NEK11: variants seen among roughly 807,000 people sequenced by gnomAD.
The protein encoded by NEK11 is NIMA related kinase 11, also known as serine/threonine-protein kinase Nek11.
A neutral mutation model predicts 80.7 loss-of-function variants in NEK11; 72 were observed. The ratio of observed to expected loss-of-function variants is 0.89; its 90% CI spans 0.74 to 1.08. NEK11 has a LOEUF of 1.08. Ranked by LOEUF, NEK11 falls within the 50% of genes least tolerant of loss-of-function variation. The pLI is 0.00. For missense variants in NEK11, 764 were observed against 763.6 expected (o/e 1.00, Z -0.01); for synonymous variants, 251 against 260.7 (o/e 0.96, Z 0.36).
At chr3:131,328,929 C>T (rs921548345) in intron 17 of NEK11, 4 of 152,206 alleles carry the variant, frequency 2.6e-5, no homozygotes, top group Non-Finnish European at 5.9e-5. Context: ...TGGAGTCGTC[C>T]TCAGAGGACT....
chr3:131,151,903 C>T (rs920334202), intron 7 of NEK11, among the ~76,000 whole-genome samples: 4 of 152,004 alleles, frequency 2.6e-5, no homozygotes, highest in African/African-American at 9.7e-5. Flanking sequence ...GGATTATATT[C>T]AGAGAATAAT....
chr3:131,171,053 C>T, intron 14 of NEK11, 166 bp downstream of exon 14: 1 of 641,410 alleles, frequency 1.6e-6, no homozygotes, highest in Non-Finnish European at 2.8e-6. Flanking sequence ...AGTAGAGAAG[C>T]CAAGGATTTT....
At chr3:131,154,343 C>G (rs972838741) in intron 9 of NEK11, among the ~76,000 whole-genome samples, 1 of 151,986 alleles carries the variant, frequency 6.6e-6, no homozygotes, top group African/African-American at 2.4e-5. Context: ...GCAAGTGAGG[C>G]CCTTGACTCT....
intron 3 of NEK11, among the ~76,000 whole-genome samples, chr3:131,030,452 A>G (rs933467832): frequency 3.3e-5 from 5 of 152,252 alleles, no homozygotes; most frequent in African/African-American, 1.2e-4. Context: ...TCTCAGTGAC[A>G]ATATTACTTC....
chr3:131,332,876 G>A (rs1209424725), intron 17 of NEK11, among the ~76,000 whole-genome samples: 1 of 152,156 alleles, frequency 6.6e-6, no homozygotes, highest in Non-Finnish European at 1.5e-5. Context: ...AGTGATGGAA[G>A]ACTAAATGAA....
chr3:131,044,243 T>C, intron 3 of NEK11, among the ~76,000 whole-genome samples: 1 of 151,828 alleles, frequency 6.6e-6, no homozygotes, highest in East Asian at 1.9e-4. Flanking sequence ...AATTCACACA[T>C]AACAATATTA....
At chr3:131,074,626 ATATTGACT>A (rs2074033532) in intron 3 of NEK11, among the ~76,000 whole-genome samples, 1 of 152,206 alleles carries the variant, frequency 6.6e-6, no homozygotes, top group African/African-American at 2.4e-5. Flanking sequence ...CTTCTACTGG[ATATTGACT>A]TATACAGGGC....
chr3:131,332,087 C>G (rs1049965672), intron 17 of NEK11, among the ~76,000 whole-genome samples: 3 of 152,228 alleles, frequency 2.0e-5, no homozygotes, highest in Non-Finnish European at 2.9e-5. Flanking sequence ...TTAAACGTCC[C>G]GGTCTGACAG....
At chr3:131,218,602 G>A (rs1189988791) in intron 14 of NEK11, among the ~76,000 whole-genome samples, 2 of 152,168 alleles carry the variant, frequency 1.3e-5, no homozygotes, top group East Asian at 1.9e-4. Flanking sequence ...CTAACCCCCA[G>A]TACTTCAGAA....
intron 4 of NEK11, among the ~76,000 whole-genome samples, chr3:131,093,756 G>C (rs560833077): frequency 6.6e-6 from 1 of 152,182 alleles, no homozygotes; most frequent in African/African-American, 2.4e-5. Context: ...AGTGAAATTT[G>C]TTACATGGTG....
At chr3:131,306,058 T>G (rs1263114346) in intron 17 of NEK11, among the ~76,000 whole-genome samples, 1 of 152,198 alleles carries the variant, frequency 6.6e-6, no homozygotes, top group Non-Finnish European at 1.5e-5. Flanking sequence ...CTAAGATTTC[T>G]TATGAAATGT....
chr3:131,331,500 C>G (rs1405221029), intron 17 of NEK11, among the ~76,000 whole-genome samples: 6 of 152,226 alleles, frequency 3.9e-5, no homozygotes, highest in Non-Finnish European at 8.8e-5. Context: ...CGAATAGGAA[C>G]AGCTCTGGTC....
chr3:131,107,417 G>A (rs2079375531), intron 4 of NEK11, among the ~76,000 whole-genome samples: 2 of 151,090 alleles, frequency 1.3e-5, no homozygotes, highest in African/African-American at 4.8e-5. Context: ...ATTTCTTTAA[G>A]GCAAATTTTT....
chr3:131,291,377 G>A (rs1026283268), intron 17 of NEK11, among the ~76,000 whole-genome samples: 2 of 152,024 alleles, frequency 1.3e-5, no homozygotes, highest in African/African-American at 4.8e-5. Flanking sequence ...TATAAATAAA[G>A]CTGCTATAAA....
chr3:131,181,643 G>A (rs1250695026), intron 14 of NEK11, among the ~76,000 whole-genome samples: 2 of 151,666 alleles, frequency 1.3e-5, no homozygotes, highest in African/African-American at 2.4e-5. Context: ...CTACTTGGGA[G>A]GCTGAGGCAG....
At chr3:131,184,445 C>A (rs1053773475) in intron 14 of NEK11, among the ~76,000 whole-genome samples, 1 of 152,164 alleles carries the variant, frequency 6.6e-6, no homozygotes, top group East Asian at 1.9e-4. Flanking sequence ...GGACCATGTC[C>A]GTCTTGCTCA....
At chr3:131,054,347 A>G (rs1215863642) in intron 3 of NEK11, 1 of 152,082 alleles carries the variant, frequency 6.6e-6, no homozygotes, top group Admixed American at 6.6e-5. Flanking sequence ...AAAAGTCAAC[A>G]TTTGAAGCCC....
At chr3:131,334,349 A>G (rs934165401) in intron 17 of NEK11, among the ~76,000 whole-genome samples, 6 of 152,100 alleles carry the variant, frequency 3.9e-5, no homozygotes, top group African/African-American at 1.5e-4. Flanking sequence ...AAACTGAACA[A>G]CCTGCTCCTG....
chr3:131,036,741 G>A (rs2065710978), intron 3 of NEK11, among the ~76,000 whole-genome samples: 1 of 152,112 alleles, frequency 6.6e-6, no homozygotes, highest in Non-Finnish European at 1.5e-5. Flanking sequence ...CTACCCCAGA[G>A]GTTTCTGATT....
Sources: gnomAD v4.1 joint callset for allele counts (sites outside exome capture counted in the v4.1 genomes callset) on GRCh38, gnomAD v4.1.1 for gene constraint, MANE v1.5 for transcripts, NCBI Gene and HGNC (gene_info 2026-07-23, HGNC 2026-07-21) for gene names.